ZNF814: variants seen among roughly 807,000 people sequenced by gnomAD.
The protein encoded by ZNF814 is zinc finger protein 814.
A neutral mutation model predicts 7.5 loss-of-function variants in ZNF814; 5 were observed. The ratio of observed to expected loss-of-function variants is 0.67; its 90% CI spans 0.35 to 1.40. The LOEUF is 1.40. Among genes scored for constraint, ZNF814 ranks in the 40% most tolerant of loss-of-function variants. The probability of loss-of-function intolerance (pLI) is 0.04; values close to 1 mark genes in which losing one functional copy is unlikely to be tolerated. For missense variants in ZNF814, 962 were observed against 1,018.0 expected (o/e 0.94, Z 0.75); for synonymous variants, 315 against 340.7 (o/e 0.92, Z 0.83).
Position 57,873,527 on chromosome 19 carries a change from G to A in ZNF814, c.1863C>T (p.His621=), listed in dbSNP as rs775320500. The A allele has an allele frequency of 6.8e-6, 11 of 1,613,736 alleles. No individual in the cohort carries two copies. Among genetic ancestry groups the A allele is most frequent in the Non-Finnish European group, 8.5e-6 (10 of 1,179,974 alleles). ...KSFSHKRSLV[H]HQRMHTGERP... is the part of the protein sequence containing the mutation. ...TTTCTCCAGTGTGCATGCGCTGATGGTGAACAAGGCTGCGCTTATGACTAA... is the reference window on the plus strand; with the variant it reads ...TTTCTCCAGTGTGCATGCGCTGATGATGAACAAGGCTGCGCTTATGACTAA... The change falls in exon 3 of 3, where the codon CAC becomes CAT. Residue 621 remains histidine (H), a synonymous_variant. Coordinates refer to ENST00000435989, the MANE Select transcript of ZNF814 (RefSeq NM_001144989.2).
At position 57,874,675 on chromosome 19, in the gene ZNF814, C is replaced by G. The variant is rs1470788403; in HGVS notation, c.715G>C (p.Glu239Gln). Residue 239 changes from glutamate to glutamine, a missense_variant, in exon 3 of 3, where the codon GAA becomes CAA. Physicochemically the swap from Glu to Gln is conservative, Grantham distance 29 (BLOSUM62 2). Transcript: ENST00000435989. ...CATTCACAGCACACATAACACTCTT[C>G]TCTAGTGAGCAGTCTCTGGTGCTGA... ...LSQHQRLLTR[E>Q]ECYVCCECGK... The G allele has an allele frequency of 3.2e-6, 5 of 1,562,248 alleles. No homozygotes were observed. The South Asian group carries it at 3.5e-5, about 11-fold the overall frequency.
intron 1 of ZNF814, among the ~76,000 whole-genome samples, chr19:57,877,930 C>T (rs369515390): frequency 6.6e-6 from 1 of 151,848 alleles, no homozygotes; most frequent in Non-Finnish European, 1.5e-5. Flanking sequence ...TTTCAGAGGC[C>T]GAGCCAGGTG....
the ZNF814 span, among the ~76,000 whole-genome samples, chr19:57,901,986 A>G: frequency 6.6e-6 from 1 of 152,218 alleles, no homozygotes; most frequent in Non-Finnish European, 1.5e-5. Flanking sequence ...GAATATATCA[A>G]TAGGATATAA....
Position 57,876,914 on chromosome 19 carries a change from AC to A in ZNF814, c.163+1del. On this transcript the variant is annotated splice_donor_variant, in intron 2 of 2. Transcript: ENST00000435989. LOFTEE classifies it high-confidence loss of function. ...GTCACAGGGTGAGTGTGAGCAACTT[AC>A]CCAGGGAGGATATAAGTGCCAGGTT... 1 of 1,614,076 alleles carries A rather than the reference AC, an allele frequency of 6.2e-7. No homozygotes were observed.
At chr19:57,886,662 T>C (rs1211047020) in intron 1 of ZNF814, among the ~76,000 whole-genome samples, 1 of 151,984 alleles carries the variant, frequency 6.6e-6, no homozygotes, top group East Asian at 1.9e-4. Flanking sequence ...GCGGATTGCC[T>C]GAGCTTGGGA....
In ZNF814 at chr19:57,873,519, C is replaced by T. The variant is rs747295579; in HGVS notation, c.1871G>A (p.Arg624His). The T allele has an allele frequency of 9.9e-5, 159 of 1,613,934 alleles. 1 individual carries two copies. The highest frequency in any genetic ancestry group is 2.9e-4 in the South Asian group (26 of 91,072). The change falls in exon 3 of 3, where the codon CGC becomes CAC. Residue 624 changes from arginine (R) to histidine (H), a missense_variant. Coordinates refer to ENST00000435989, the MANE Select transcript of ZNF814 (RefSeq NM_001144989.2). Reference sequence around the variant, plus strand: ...GTAAGGTCTTTCTCCAGTGTGCATGCGCTGATGGTGAACAAGGCTGCGCTT... The same window carrying T: ...GTAAGGTCTTTCTCCAGTGTGCATGTGCTGATGGTGAACAAGGCTGCGCTT... ...SHKRSLVHHQ[R>H]MHTGERPYKC... is the part of the protein sequence containing the mutation.
intron 1 of ZNF814, among the ~76,000 whole-genome samples, chr19:57,883,722 A>C (rs1161376190): frequency 6.6e-6 from 1 of 151,800 alleles, no homozygotes; most frequent in Non-Finnish European, 1.5e-5. Context: ...TAAAACTATG[A>C]AACTACTACC....
In ZNF814 at chr19:57,871,363, G is replaced by C. The variant is rs570346066; in HGVS notation, c.*1459C>G. 8.5e-5 allele frequency: 13 copies of C among 152,238 alleles called. No homozygotes were observed. Among genetic ancestry groups the C allele is most frequent in the African/African-American group, 2.4e-4 (10 of 41,532 alleles). The allele number at this position is 152,238 out of a possible 1,614,324, so 9.4% of individuals were successfully genotyped here. Reference sequence around the variant, plus strand: ...TTCTCTGGAGGCCTCTGGCAGCTATGCAAAGCAGTCCACAAGTGGAGAAAG... The same window carrying C: ...TTCTCTGGAGGCCTCTGGCAGCTATCCAAAGCAGTCCACAAGTGGAGAAAG... On this transcript the variant is annotated 3_prime_UTR_variant, in exon 3 of 3. Transcript: ENST00000435989.
At chr19:57,880,530 T>C (rs1349409048) in intron 1 of ZNF814, among the ~76,000 whole-genome samples, 1 of 150,934 alleles carries the variant, frequency 6.6e-6, no homozygotes, top group Non-Finnish European at 1.5e-5. Flanking sequence ...TTGAAAGGAC[T>C]GAGCTCGAGA....
At position 57,874,683 on chromosome 19, in the gene ZNF814, A is replaced by G. The variant is rs2071590832; in HGVS notation, c.707T>C (p.Leu236Pro). Residue 236 changes from leucine to proline, a missense_variant, in exon 3 of 3, where the codon CTC (leucine) becomes CCC (proline). Physicochemically the swap from Leu to Pro is moderately conservative, Grantham distance 98 (BLOSUM62 -3). Transcript: ENST00000435989. ...GCACACATAACACTCTTCTCTAGTG[A>G]GCAGTCTCTGGTGCTGACTGAGTAT... is the stretch of plus-strand genomic sequence containing the variant. The part of the protein sequence containing the change: ...KHILSQHQRL[L>P]TREECYVCCE... 19 of 1,565,974 alleles carry G rather than the reference A, an allele frequency of 1.2e-5. No individual in the cohort carries two copies. Among genetic ancestry groups the G allele is most frequent in the Non-Finnish European group, 1.6e-5 (18 of 1,154,202 alleles).
chr19:57,894,722 T>C, the ZNF814 span, among the ~76,000 whole-genome samples: 1 of 151,436 alleles, frequency 6.6e-6, no homozygotes, highest in East Asian at 2.0e-4. Context: ...TAGTCCCAGC[T>C]ACTTGGGAGG....
chr19:57,900,320 C>G, the ZNF814 span: 1 of 152,150 alleles, frequency 6.6e-6, no homozygotes, highest in African/African-American at 2.4e-5. Flanking sequence ...TTATTTCATT[C>G]TTTACAACAA....
At position 57,873,734 on chromosome 19, in the gene ZNF814, C is replaced by A; in HGVS notation, c.1656G>T (p.Glu552Asp). Residue 552 changes from glutamate to aspartate, a missense_variant, in exon 3 of 3, where the codon GAG becomes GAT. Glu to Asp is a conservative substitution (Grantham distance 45). Transcript: ENST00000435989. ...CTTTATGACTAAAAGATTTCCCACACTCTCCACACTCATAAAGTCTGTCCC... is the reference window on the plus strand; with the variant it reads ...CTTTATGACTAAAAGATTTCCCACAATCTCCACACTCATAAAGTCTGTCCC... ...HTGDRLYECG[E>D]CGKSFSHKGT... is the part of the protein sequence containing the mutation. The A allele has an allele frequency of 1.2e-6, 2 of 1,612,548 alleles. No individual in the cohort carries two copies. Among genetic ancestry groups the A allele is most frequent in the Non-Finnish European group, 1.7e-6 (2 of 1,179,538 alleles).
At chr19:57,885,975 C>CAAAAAAAAA (rs57921446) in intron 1 of ZNF814, 5 of 128,606 alleles carry the variant, frequency 3.9e-5, no homozygotes, top group African/African-American at 1.2e-4. Context: ...GACTCCTTCT[C>CAAAAAAAAA]AAAAAAAAAA....
chr19:57,889,854 C>T (rs771249180), upstream of ZNF814, among the ~76,000 whole-genome samples: 3 of 151,930 alleles, frequency 2.0e-5, no homozygotes, highest in Non-Finnish European at 4.4e-5. Flanking sequence ...CACAGCAAGA[C>T]TCCATGTTGG....
rs921381786 is a variant in ZNF814 at position 57,869,463 on chromosome 19, A to G, written c.*3359T>C. The G allele has an allele frequency of 6.6e-6, 1 of 152,092 alleles. No homozygotes were observed. Among genetic ancestry groups the G allele is most frequent in the Non-Finnish European group, 1.5e-5 (1 of 68,026 alleles). 9.4% of individuals were successfully genotyped at this position (152,092 alleles called of 1,614,324 possible). A position where few individuals can be genotyped will look rare whatever the true frequency, so the allele number is the denominator to read the frequency against. ...ACTCTACTGTACAGCAAAGTAAATC[A>G]TTGGTTGTCTGGAGAACAGAAAGAA... On this transcript the variant is annotated 3_prime_UTR_variant, in exon 3 of 3. Coordinates refer to ENST00000435989, the MANE Select transcript of ZNF814 (RefSeq NM_001144989.2).
the ZNF814 span, among the ~76,000 whole-genome samples, chr19:57,894,191 G>A: frequency 4.0e-5 from 6 of 151,690 alleles, no homozygotes; most frequent in African/African-American, 9.7e-5. Context: ...TGGCCAGCAT[G>A]GTGAAACCCC....
upstream of ZNF814, among the ~76,000 whole-genome samples, chr19:57,891,026 G>A (rs142735716): frequency 5.3e-3 from 811 of 152,246 alleles, 6 homozygotes; most frequent in African/African-American, 0.019. Context: ...CCATAAAGAC[G>A]TTGCTGATAA....
At chr19:57,879,723 T>A (rs1156832851) in intron 1 of ZNF814, among the ~76,000 whole-genome samples, 1 of 149,428 alleles carries the variant, frequency 6.7e-6, no homozygotes, top group Non-Finnish European at 1.5e-5. Flanking sequence ...ATATTCCCAG[T>A]GACTATATTA....
Sources: gnomAD v4.1 joint callset for allele counts (sites outside exome capture counted in the v4.1 genomes callset) on GRCh38, gnomAD v4.1.1 for gene constraint, MANE v1.5 for transcripts, NCBI Gene and HGNC (gene_info 2026-07-23, HGNC 2026-07-21) for gene names.